RALGPS1: variants seen among roughly 807,000 people sequenced by gnomAD.
RALGPS1 encodes Ral GEF with PH domain and SH3 binding motif 1, also known as ras-specific guanine nucleotide-releasing factor RalGPS1.
A neutral mutation model predicts 78.8 loss-of-function variants in RALGPS1; 19 were observed. The observed-to-expected ratio is 0.24, with a 90% CI of 0.17 to 0.35. RALGPS1 has a LOEUF of 0.35. Among genes scored for constraint, RALGPS1 ranks in the 10% least tolerant of loss-of-function variants. RALGPS1 has a pLI of 1.00. For synonymous variants in RALGPS1, 228 were observed against 256.3 expected (o/e 0.89, Z 1.06); for missense variants, 454 against 688.3 (o/e 0.66, Z 3.81).
intron 8 of RALGPS1, among the ~76,000 whole-genome samples, chr9:127,073,015 T>C (rs2050338263): frequency 1.3e-5 from 2 of 152,266 alleles, no homozygotes; most frequent in African/African-American, 4.8e-5. Context: ...ATTCATAGAA[T>C]GTATAATAAT....
At chr9:127,007,334 A>G (rs536966563) in intron 4 of RALGPS1, among the ~76,000 whole-genome samples, 1 of 152,340 alleles carries the variant, frequency 6.6e-6, no homozygotes, top group Non-Finnish European at 1.5e-5. Context: ...AATGCCTTCT[A>G]TGACTGGGTG....
chr9:127,168,577 C>T, intron 9 of RALGPS1, 102 bp from the exon 10 acceptor site: 1 of 824,662 alleles, frequency 1.2e-6, no homozygotes, highest in Non-Finnish European at 2.1e-6. Flanking sequence ...GAATGAGTCT[C>T]AGTATCCTGG....
intron 8 of RALGPS1, chr9:127,087,965 C>G (rs551335352): frequency 6.6e-6 from 1 of 152,556 alleles, no homozygotes; most frequent in Non-Finnish European, 1.5e-5. Flanking sequence ...TCTATACGGC[C>G]GGTGGAGCTT....
intron 1 of RALGPS1, among the ~76,000 whole-genome samples, chr9:126,918,371 C>T (rs1588429879): frequency 1.3e-5 from 2 of 152,342 alleles, no homozygotes; most frequent in South Asian, 4.1e-4. Flanking sequence ...GGGTCTCCCT[C>T]TGTTAGCCAG....
intron 1 of RALGPS1, among the ~76,000 whole-genome samples, chr9:126,922,580 TGTGCA>T (rs2034876054): frequency 6.6e-6 from 1 of 152,244 alleles, no homozygotes; most frequent in African/African-American, 2.4e-5. Flanking sequence ...ATTAGTCCTC[TGTGCA>T]TCTGTTTATT....
chr9:126,916,862 G>C (rs1196349029), intron 1 of RALGPS1, among the ~76,000 whole-genome samples: 2 of 152,202 alleles, frequency 1.3e-5, no homozygotes, highest in African/African-American at 4.8e-5. Flanking sequence ...CAGGGGCGGG[G>C]AGAAGGAAGC....
chr9:127,197,125 T>C (rs924759408), intron 13 of RALGPS1, among the ~76,000 whole-genome samples: 6 of 152,220 alleles, frequency 3.9e-5, no homozygotes, highest in Admixed American at 3.9e-4. Flanking sequence ...TATTCAGGGA[T>C]GAAATTGCAT....
intron 4 of RALGPS1, among the ~76,000 whole-genome samples, chr9:126,979,774 G>A (rs34426707): frequency 1.8e-4 from 28 of 152,206 alleles, no homozygotes; most frequent in Non-Finnish European, 3.7e-4. Context: ...TTAGAGTGGA[G>A]ATGTTTTGTT....
chr9:127,108,843 A>G (rs967939242), intron 8 of RALGPS1: 1 of 1,190,056 alleles, frequency 8.4e-7, no homozygotes, highest in African/African-American at 1.5e-5. Flanking sequence ...CTGTGCCATC[A>G]GTGATCCCAG....
intron 1 of RALGPS1, among the ~76,000 whole-genome samples, chr9:126,947,902 T>C (rs1345852554): frequency 1.3e-5 from 2 of 152,072 alleles, no homozygotes; most frequent in African/African-American, 2.4e-5. Flanking sequence ...TAAACCAGAG[T>C]GTTGGTGAAT....
intron 7 of RALGPS1, among the ~76,000 whole-genome samples, chr9:127,055,743 G>C (rs560121557): frequency 6.6e-6 from 1 of 152,118 alleles, no homozygotes; most frequent in Admixed American, 6.5e-5. Context: ...GACAATTCCA[G>C]CTTACTCCCT....
chr9:127,172,189 C>T (rs1451951832), intron 10 of RALGPS1, among the ~76,000 whole-genome samples: 4 of 152,224 alleles, frequency 2.6e-5, no homozygotes, highest in Non-Finnish European at 5.9e-5. Flanking sequence ...CCCTGCATTC[C>T]CTCAGAGAAA....
At position 127,104,411 on chromosome 9, in the gene RALGPS1, A is replaced by G. The variant is rs139497220; in HGVS notation, c.610+35055A>G. On this transcript the variant is annotated intron_variant, in intron 8 of 18. Coordinates refer to ENST00000259351, the MANE Select transcript of RALGPS1 (RefSeq NM_014636.3). Reference sequence around the variant, plus strand: ...TGCTCTATCCTTTGCCTCTTAGAGAATGACCCCTGGAGCCTTCCTCTTCTA... The same window carrying G: ...TGCTCTATCCTTTGCCTCTTAGAGAGTGACCCCTGGAGCCTTCCTCTTCTA... Among the ~76,000 whole-genome samples the G allele has an allele frequency of 5.3e-4, 81 of 152,336 alleles. 1 individual carries two copies. In the East Asian group the frequency reaches 0.015, roughly 29 times the overall value.
At chr9:127,136,081 C>G (rs1166584580) in intron 8 of RALGPS1, among the ~76,000 whole-genome samples, 1 of 152,172 alleles carries the variant, frequency 6.6e-6, no homozygotes, top group Admixed American at 6.5e-5. Context: ...ATCCAGATTC[C>G]TCAATAAAGT....
At chr9:127,135,328 T>C (rs1588104355) in intron 8 of RALGPS1, among the ~76,000 whole-genome samples, 1 of 152,168 alleles carries the variant, frequency 6.6e-6, no homozygotes, top group East Asian at 1.9e-4. Flanking sequence ...CTGTGGCCCT[T>C]GCAAGATGGG....
chr9:127,105,105 G>C (rs1335957124), intron 8 of RALGPS1, among the ~76,000 whole-genome samples: 2 of 152,160 alleles, frequency 1.3e-5, no homozygotes, highest in Non-Finnish European at 2.9e-5. Context: ...ATCTTCCACA[G>C]CTAGGCACTC....
chr9:126,982,682 C>T (rs1284595688), intron 4 of RALGPS1, among the ~76,000 whole-genome samples: 1 of 152,040 alleles, frequency 6.6e-6, no homozygotes, highest in Non-Finnish European at 1.5e-5. Flanking sequence ...AGATACATGC[C>T]TTCCTGCCTC....
chr9:126,970,220 A>G (rs2039973882), intron 3 of RALGPS1, among the ~76,000 whole-genome samples: 1 of 152,176 alleles, frequency 6.6e-6, no homozygotes, highest in African/African-American at 2.4e-5. Context: ...CTAGGTGACA[A>G]GTTATCGTCA....
At chr9:126,973,101 C>T (rs1160498101) in intron 3 of RALGPS1, among the ~76,000 whole-genome samples, 1 of 152,116 alleles carries the variant, frequency 6.6e-6, no homozygotes, top group Non-Finnish European at 1.5e-5. Context: ...AGCATGGTGG[C>T]TTACATCTGT....
Sources: allele counts gnomAD v4.1 joint callset (sites outside exome capture counted in the v4.1 genomes callset), GRCh38; gene constraint gnomAD v4.1.1; transcripts MANE v1.5; gene names NCBI Gene and HGNC (gene_info 2026-07-23, HGNC 2026-07-21).